The following CACNA2D3 variants were observed in gnomAD, a reference collection of about 807,000 sequenced individuals.
CACNA2D3 encodes the protein calcium voltage-gated channel auxiliary subunit alpha2delta 3.
CACNA2D3 carries 60 observed loss-of-function variants against 160.6 expected under a neutral mutation model. The ratio of observed to expected loss-of-function variants is 0.37; its 90% CI spans 0.30 to 0.46. The LOEUF (loss-of-function observed/expected upper bound fraction) is 0.46, where lower values mean the gene tolerates loss of function less well. Among genes scored for constraint, CACNA2D3 ranks in the 20% least tolerant of loss-of-function variants. CACNA2D3 has a pLI of 1.00. For missense variants in CACNA2D3, 1,205 were observed against 1,365.0 expected (o/e 0.88, Z 1.85); for synonymous variants, 558 against 492.9 (o/e 1.13, Z -1.75).
At chr3:54,866,518 C>T (rs112262330) in intron 17 of CACNA2D3, among the ~76,000 whole-genome samples, 141 of 152,290 alleles carry the variant, frequency 9.3e-4, no homozygotes, top group African/African-American at 3.1e-3. Flanking sequence ...CCTCTCCCAC[C>T]CCATCCCCTT....
At chr3:54,767,285 A>G (rs1702243397) in intron 13 of CACNA2D3, among the ~76,000 whole-genome samples, 1 of 152,218 alleles carries the variant, frequency 6.6e-6, no homozygotes, top group African/African-American at 2.4e-5. Flanking sequence ...TTTAGAATAT[A>G]GTAGTACACA....
intron 2 of CACNA2D3, among the ~76,000 whole-genome samples, chr3:54,153,925 C>G (rs181329733): frequency 1.2e-4 from 19 of 152,290 alleles, no homozygotes; most frequent in Admixed American, 1.1e-3. Flanking sequence ...TAAAGCCCTT[C>G]AGAGCGTCCA....
At chr3:54,502,489 C>G (rs1273960791) in intron 4 of CACNA2D3, among the ~76,000 whole-genome samples, 3 of 152,184 alleles carry the variant, frequency 2.0e-5, no homozygotes, top group Non-Finnish European at 4.4e-5. Flanking sequence ...CATAGAATAT[C>G]CACCTCTCTG....
intron 2 of CACNA2D3, among the ~76,000 whole-genome samples, chr3:54,293,701 A>C (rs62253249): frequency 1.3e-5 from 2 of 152,032 alleles, no homozygotes; most frequent in Admixed American, 6.6e-5. Flanking sequence ...GCTAGAATCA[A>C]AGGGCCACAT....
intron 27 of CACNA2D3, among the ~76,000 whole-genome samples, chr3:54,963,969 G>A (rs570867384): frequency 6.6e-6 from 1 of 152,336 alleles, no homozygotes; most frequent in African/African-American, 2.4e-5. Context: ...AGAGTATTGA[G>A]AGGAGTTGTG....
At chr3:54,686,845 A>C (rs1413515505) in intron 11 of CACNA2D3, among the ~76,000 whole-genome samples, 1 of 152,170 alleles carries the variant, frequency 6.6e-6, no homozygotes, top group Non-Finnish European at 1.5e-5. Flanking sequence ...GTCCAGTCTG[A>C]TTTCAAGGCT....
At chr3:54,620,955 GA>G (rs1181127680) in intron 9 of CACNA2D3, among the ~76,000 whole-genome samples, 1 of 152,234 alleles carries the variant, frequency 6.6e-6, no homozygotes, top group Non-Finnish European at 1.5e-5. Flanking sequence ...GCTGCCCTTG[GA>G]GGGCTTGGTG....
chr3:54,803,324 C>A (rs7649545), intron 13 of CACNA2D3, among the ~76,000 whole-genome samples: 10 of 152,094 alleles, frequency 6.6e-5, no homozygotes, highest in East Asian at 1.9e-4. Flanking sequence ...AAAATTTAGA[C>A]GAATGTATAA....
intron 3 of CACNA2D3, among the ~76,000 whole-genome samples, chr3:54,344,183 C>T (rs1318100082): frequency 6.6e-6 from 1 of 152,130 alleles, no homozygotes; most frequent in Non-Finnish European, 1.5e-5. Context: ...GAGTTAGGTT[C>T]CCGCAGCCTC....
At chr3:54,929,131 C>T (rs1447906979) in intron 27 of CACNA2D3, among the ~76,000 whole-genome samples, 2 of 152,116 alleles carry the variant, frequency 1.3e-5, no homozygotes, top group East Asian at 1.9e-4. Context: ...GGTCCAGAGT[C>T]GATATTTGGC....
chr3:54,219,630 C>T (rs924584469), intron 2 of CACNA2D3, among the ~76,000 whole-genome samples: 1 of 152,066 alleles, frequency 6.6e-6, no homozygotes, highest in Non-Finnish European at 1.5e-5. Context: ...ACAAGGGACG[C>T]GTTACTTATG....
intron 4 of CACNA2D3, among the ~76,000 whole-genome samples, chr3:54,498,089 C>T (rs1174504511): frequency 6.6e-6 from 1 of 150,872 alleles, no homozygotes; most frequent in African/African-American, 2.4e-5. Context: ...GGTTAGGCTA[C>T]CCTCATTAAA....
At chr3:54,297,725 A>AG in intron 2 of CACNA2D3, among the ~76,000 whole-genome samples, 1 of 151,824 alleles carries the variant, frequency 6.6e-6, no homozygotes, top group East Asian at 1.9e-4. Flanking sequence ...AAAAAAAAAA[A>AG]AAAAGAGTGA....
chr3:54,213,232 A>G (rs1701407131), intron 2 of CACNA2D3, among the ~76,000 whole-genome samples: 2 of 152,190 alleles, frequency 1.3e-5, no homozygotes, highest in African/African-American at 4.8e-5. Flanking sequence ...CTGAAAACCT[A>G]TTTTATTTCT....
At chr3:54,354,960 T>C (rs991443962) in intron 3 of CACNA2D3, among the ~76,000 whole-genome samples, 1 of 152,236 alleles carries the variant, frequency 6.6e-6, no homozygotes, top group Non-Finnish European at 1.5e-5. Flanking sequence ...TTTTATTCCT[T>C]CAACAAAATA....
intron 4 of CACNA2D3, among the ~76,000 whole-genome samples, chr3:54,451,953 C>G (rs1227492833): frequency 6.6e-6 from 1 of 152,190 alleles, no homozygotes; most frequent in Admixed American, 6.5e-5. Context: ...AGTGCCCTTT[C>G]CTCCTGCATC....
intron 9 of CACNA2D3, among the ~76,000 whole-genome samples, chr3:54,606,699 G>C (rs1300636139): frequency 6.6e-6 from 1 of 152,254 alleles, no homozygotes; most frequent in East Asian, 1.9e-4. Context: ...CATTTGTGGT[G>C]CTGCAGCCCT....
At chr3:54,333,356 G>T (rs936274163) in intron 3 of CACNA2D3, among the ~76,000 whole-genome samples, 2 of 152,086 alleles carry the variant, frequency 1.3e-5, no homozygotes, top group Non-Finnish European at 2.9e-5. Context: ...TTGCGGCAGG[G>T]TTTGCATTTC....
intron 27 of CACNA2D3, among the ~76,000 whole-genome samples, chr3:54,921,979 A>C (rs1216172092): frequency 6.6e-6 from 1 of 152,188 alleles, no homozygotes; most frequent in Non-Finnish European, 1.5e-5. Flanking sequence ...TATATCTATA[A>C]TCAGACTGTC....
Sources: gnomAD v4.1 joint callset for allele counts (sites outside exome capture counted in the v4.1 genomes callset) on GRCh38, gnomAD v4.1.1 for gene constraint, MANE v1.5 for transcripts, NCBI Gene and HGNC (gene_info 2026-07-23, HGNC 2026-07-21) for gene names.